Variants in PLPP5 observed in about 807,000 individuals in gnomAD.
PLPP5 encodes diacylglycerol pyrophosphate like 1.
PLPP5 carries 29 observed loss-of-function variants against 23.6 expected under a neutral mutation model. The observed-to-expected ratio is 1.23, with a 90% confidence interval of 0.92 to 1.68. The LOEUF is 1.68. Among genes scored for constraint, PLPP5 ranks in the 40% most tolerant of loss-of-function variants. The pLI is 0.00. For missense variants in PLPP5, 315 were observed against 332.1 expected, an observed-to-expected ratio of 0.95 and a Z score of 0.40; for synonymous variants, 143 against 131.3, an observed-to-expected ratio of 1.09 and a Z score of -0.61.
chr8:38,267,110 G>C (rs1807739790), intron 5 of PLPP5, 157 bp downstream of exon 5: 2 of 1,491,268 alleles, frequency 1.3e-6, no homozygotes, highest in Non-Finnish European at 1.8e-6. Context: ...AAATAGTCAA[G>C]GCTCAGACTT....
At chr8:38,265,527 G>A (rs1036615870) in intron 6 of PLPP5, 3 of 152,084 alleles carry the variant, frequency 2.0e-5, no homozygotes, top group Admixed American at 2.0e-4. Context: ...CTGACCTCAG[G>A]TGATCCACCT....
At chr8:38,266,479 C>T (rs1009228874) in intron 5 of PLPP5, 168 bp from the exon 6 acceptor site, 2 of 603,200 alleles carry the variant, frequency 3.3e-6, no homozygotes, top group Admixed American at 6.2e-5. Flanking sequence ...CGGCTCACTG[C>T]AACCTCCACC....
chr8:38,265,430 A>G (rs1807445576), intron 6 of PLPP5: 1 of 150,876 alleles, frequency 6.6e-6, no homozygotes, highest in Admixed American at 6.6e-5. Context: ...AGTAGCTGGG[A>G]TTAAAGGCGT....
rs1226490395 is a variant in PLPP5 at position 38,268,188 on chromosome 8, CT to C, written c.274+182del. On this transcript the variant is annotated intron_variant, in intron 3 of 6. Transcript: ENST00000424479. ...TAACCCAGTGCATTTAGGCACAGGGCTGCCTGCCGTGTAGCCTGCGTAACCA... is the reference window on the plus strand; with the variant it reads ...TAACCCAGTGCATTTAGGCACAGGGCGCCTGCCGTGTAGCCTGCGTAACCA... 9.4e-5 allele frequency: 108 copies of C among 1,146,104 alleles called. No homozygotes were observed. In the African/African-American group the frequency reaches 1.3e-3, roughly 14 times the overall value. 71.0% of individuals were successfully genotyped at this position (1,146,104 alleles called of 1,614,324 possible). A position where few individuals can be genotyped will look rare whatever the true frequency, so the allele number is the denominator to read the frequency against.
chr8:38,264,658 T>C, intron 6 of PLPP5, 54 bp from the exon 7 acceptor site: 1 of 1,507,390 alleles, frequency 6.6e-7, no homozygotes, highest in Non-Finnish European at 8.9e-7. Context: ...TAAATCCTAT[T>C]ACATACACAT....
chr8:38,268,420 G>T lies in PLPP5; in HGVS notation c.225C>A (p.Ala75=), dbSNP rs903160305. 3.8e-6 allele frequency: 6 copies of T among 1,577,754 alleles called. No individual in the cohort carries two copies. The highest frequency in any genetic ancestry group is 1.8e-5 in the Admixed American group (1 of 54,188). Residue 75 remains alanine (A), a synonymous_variant, in exon 3 of 7, where the codon GCC becomes GCA. Coordinates refer to ENST00000424479, the MANE Select transcript of PLPP5 (RefSeq NM_001102559.2). ...TTGTGTCTGCCTTCTTGAGAAATTTGGCCAGGAAGATCAGAGACAGTGGAG... is the reference window on the plus strand; with the variant it reads ...TTGTGTCTGCCTTCTTGAGAAATTTTGCCAGGAAGATCAGAGACAGTGGAG... ...FLSPLSLIFL[A]KFLKKADTRD...
chr8:38,264,459 A>G lies in PLPP5; in HGVS notation c.780T>C (p.Tyr260=), dbSNP rs1807281723. Residue 260 remains tyrosine, a synonymous_variant, in exon 7 of 7, where the codon TAT becomes TAC. Coordinates refer to ENST00000424479, the MANE Select transcript of PLPP5 (RefSeq NM_001102559.2). Reference sequence around the variant, plus strand: ...GATTCAATTTTTAAATATCAAAACAATAAGAATCCCCAGGCTTCTGTGCAG... The same window carrying G: ...GATTCAATTTTTAAATATCAAAACAGTAAGAATCCCCAGGCTTCTGTGCAG... ...LSTAQKPGDS[Y]CFDI is the part of the protein sequence containing the mutation. The G allele has an allele frequency of 1.9e-6, 3 of 1,549,042 alleles. No individual in the cohort carries two copies. Among genetic ancestry groups the G allele is most frequent in the Non-Finnish European group, 8.7e-7 (1 of 1,146,440 alleles).
At position 38,266,433 on chromosome 8, in the gene PLPP5, C is replaced by G. The variant is rs996800918; in HGVS notation, c.464-122G>C. On this transcript the variant is annotated intron_variant, in intron 5 of 6. Coordinates refer to ENST00000424479, the MANE Select transcript of PLPP5 (RefSeq NM_001102559.2). ...TTATTTATTTTTTGAGACAGTCTTG[C>G]TCTGTCGCCCAGGCTGGAGTGCAGT... 4 of 984,530 alleles carry G rather than the reference C, an allele frequency of 4.1e-6. No homozygotes were observed. In the African/African-American group the frequency reaches 4.9e-5, roughly 12 times the overall value. The allele number at this position is 984,530 out of a possible 1,614,324, so 61.0% of individuals were successfully genotyped here. A position where few individuals can be genotyped will look rare whatever the true frequency, so the allele number is the denominator to read the frequency against.
At chr8:38,266,106 T>C (rs1413813353) in intron 6 of PLPP5, 35 bp downstream of exon 6, 3 of 1,598,526 alleles carry the variant, frequency 1.9e-6, no homozygotes, top group Non-Finnish European at 2.6e-6. Flanking sequence ...ATGAGTGAAA[T>C]ATGCAAGCTT....
Position 38,266,259 on chromosome 8 carries a change from G to A in PLPP5, c.516C>T (p.His172=). The change falls in exon 6 of 7, where the codon CAC becomes CAT. Residue 172 remains histidine (H), a synonymous_variant. Transcript: ENST00000424479. ...FASFYLAGKL[H]CFTPQGRGKS... ...TCCCACGGCCTTGTGGTGTGAAGCA[G>A]TGTAACTTCCCTGCCAGGTAGAAGG... 1 of 1,613,790 alleles carries A rather than the reference G, an allele frequency of 6.2e-7. No individual in the cohort carries two copies. Among genetic ancestry groups the A allele is most frequent in the South Asian group, 1.1e-5 (1 of 91,008 alleles).
chr8:38,267,574 G>A lies in PLPP5; in HGVS notation c.339-183C>T, dbSNP rs1022128374. 4.2e-6 allele frequency: 3 copies of A among 717,638 alleles called. No homozygotes were observed. The African/African-American group carries it at 5.4e-5, about 13-fold the overall frequency. 44.5% of individuals were successfully genotyped at this position (717,638 alleles called of 1,614,324 possible). On this transcript the variant is annotated intron_variant, in intron 4 of 6. Transcript: ENST00000424479. Reference sequence around the variant, plus strand: ...CCTTTCAAGGTGAGCATTTAAATTAGGGGAAAAACGCCCATTCCAGCACAT... The same window carrying A: ...CCTTTCAAGGTGAGCATTTAAATTAAGGGAAAAACGCCCATTCCAGCACAT...
rs753843467 is a variant in PLPP5, at chr8:38,266,336, G to A, written c.464-25C>T. The A allele has an allele frequency of 1.9e-6, 3 of 1,597,416 alleles. No homozygotes were observed. In the African/African-American group the frequency reaches 4.0e-5, roughly 21 times the overall value. On this transcript the variant is annotated intron_variant, in intron 5 of 6. Coordinates refer to ENST00000424479, the MANE Select transcript of PLPP5 (RefSeq NM_001102559.2). ...ACTGGAACAAGAAAAACTTTTAAGT[G>A]GTTTGTCTTTTAAAGGAAGCTACCT...
In PLPP5 at chr8:38,264,696, A is replaced by G. The variant is rs1807309992; in HGVS notation, c.635-92T>C. ...CATAGAGGACCTGGCCCTCCAGGAT[A>G]CTCTACTGTGGGGCTAAAATAACCT... On this transcript the variant is annotated intron_variant, in intron 6 of 6. Transcript: ENST00000424479. 10 of 1,433,018 alleles carry G rather than the reference A, an allele frequency of 7.0e-6. No individual in the cohort carries two copies. The South Asian group carries it at 1.5e-4, about 22-fold the overall frequency. 88.8% of individuals were successfully genotyped at this position (1,433,018 alleles called of 1,614,324 possible). A position where few individuals can be genotyped will look rare whatever the true frequency, so the allele number is the denominator to read the frequency against.
In PLPP5 at chr8:38,266,369, C is replaced by T. The variant is rs561458463; in HGVS notation, c.464-58G>A. 8.1e-5 allele frequency: 118 copies of T among 1,457,080 alleles called. 1 individual carries two copies. The African/African-American group carries it at 1.5e-3, about 18-fold the overall frequency. 90.3% of individuals were successfully genotyped at this position (1,457,080 alleles called of 1,614,324 possible). A position where few individuals can be genotyped will look rare whatever the true frequency, so the allele number is the denominator to read the frequency against. On this transcript the variant is annotated intron_variant, in intron 5 of 6. Transcript: ENST00000424479. ...TTTTAAAGGAAGCTACCTCATTCATCCCCACATAGGAGGCTAGGAAGCATG... is the reference window on the plus strand; with the variant it reads ...TTTTAAAGGAAGCTACCTCATTCATTCCCACATAGGAGGCTAGGAAGCATG...
chr8:38,266,695 C>T lies in PLPP5; in HGVS notation c.464-384G>A, dbSNP rs191182871. ...GATTACAGGTATGAGCCACCACACCCGGCCATGAGGGTGTTTTAATCCTTT... is the reference window on the plus strand; with the variant it reads ...GATTACAGGTATGAGCCACCACACCTGGCCATGAGGGTGTTTTAATCCTTT... On this transcript the variant is annotated intron_variant, in intron 5 of 6. Transcript: ENST00000424479. Among the ~76,000 whole-genome samples, 8 of 152,130 alleles carry T rather than the reference C, an allele frequency of 5.3e-5. No homozygotes were observed. In the South Asian group the frequency reaches 6.2e-4, roughly 12 times the overall value.
At chr8:38,268,565 T>A in intron 2 of PLPP5, 104 bp from the exon 3 acceptor site, 1 of 1,499,312 alleles carries the variant, frequency 6.7e-7, no homozygotes, top group Non-Finnish European at 8.9e-7. Flanking sequence ...GGAGCTAACA[T>A]AAGGTCTCTG....
In PLPP5 at chr8:38,269,166, C is replaced by G; in HGVS notation, c.34G>C (p.Ala12Pro). The G allele has an allele frequency of 1.3e-6, 2 of 1,509,842 alleles. No homozygotes were observed. Among genetic ancestry groups the G allele is most frequent in the South Asian group, 1.2e-5 (1 of 81,816 alleles). 93.5% of individuals were successfully genotyped at this position (1,509,842 alleles called of 1,614,324 possible). A position where few individuals can be genotyped will look rare whatever the true frequency, so the allele number is the denominator to read the frequency against. The change falls in exon 1 of 7, where the codon GCC becomes CCC. Residue 12 changes from alanine to proline, a missense_variant. Physicochemically the swap from Ala to Pro is conservative, Grantham distance 27. Transcript: ENST00000424479. ...AGCGCGAGCCGCACGCCCACTTCGG[C>G]CCCAAAGGCCACCGCCGCCGCCGCC... ...GKAAAAVAFG[A>P]EVGVRLALFA...
rs1807194929 is a variant in PLPP5 at position 38,263,462 on chromosome 8, G to T, written c.*982C>A. ...ACAAGTACAGTTATGGTCAAATGAG[G>T]TAGAAACAGTCATCTGTTAGTAGTG... On this transcript the variant is annotated 3_prime_UTR_variant, in exon 7 of 7. Transcript: ENST00000424479. 4.1e-6 allele frequency: 4 copies of T among 985,246 alleles called. No homozygotes were observed. The highest frequency in any genetic ancestry group is 4.8e-6 in the Non-Finnish European group (4 of 829,754). The allele number at this position is 985,246 out of a possible 1,614,324, so 61.0% of individuals were successfully genotyped here. A position where few individuals can be genotyped will look rare whatever the true frequency, so the allele number is the denominator to read the frequency against.
In PLPP5 at chr8:38,269,208, G is replaced by T; in HGVS notation, c.-9C>A. ...GCCGCCGCCTTCCCCATCCGGCCGCGAGCTCCGAGCGACGCTGCGCTGACG... is the reference window on the plus strand; with the variant it reads ...GCCGCCGCCTTCCCCATCCGGCCGCTAGCTCCGAGCGACGCTGCGCTGACG... On this transcript the variant is annotated 5_prime_UTR_variant, in exon 1 of 7. Transcript: ENST00000424479. The T allele has an allele frequency of 6.7e-7, 1 of 1,496,832 alleles. No homozygotes were observed. Among genetic ancestry groups the T allele is most frequent in the Non-Finnish European group, 8.8e-7 (1 of 1,131,072 alleles). The allele number at this position is 1,496,832 out of a possible 1,614,324, so 92.7% of individuals were successfully genotyped here.
Sources: gnomAD v4.1 joint callset for allele counts (sites outside exome capture counted in the v4.1 genomes callset) on GRCh38, gnomAD v4.1.1 for gene constraint, MANE v1.5 for transcripts, NCBI Gene and HGNC (gene_info 2026-07-23, HGNC 2026-07-21) for gene names.